PHACTR2: variants seen among roughly 807,000 people sequenced by gnomAD.
PHACTR2 encodes the protein chromosome 6 open reading frame 56.
A neutral mutation model predicts 76.0 loss-of-function variants in PHACTR2; 30 were observed. The ratio of observed to expected loss-of-function variants is 0.39; its 90% confidence interval spans 0.30 to 0.54. The LOEUF is 0.54. PHACTR2 is among the 20% of genes least tolerant of loss of function. PHACTR2 has a pLI of 0.61. For missense variants in PHACTR2, 696 were observed against 781.1 expected (o/e 0.89, Z 1.30); for synonymous variants, 292 against 292.5 (o/e 1.00, Z 0.02).
rs113468674 is a variant in PHACTR2 at position 143,745,462 on chromosome 6, A to G, written c.215-3523A>G. Among the ~76,000 whole-genome samples, 993 of 152,326 alleles carry G rather than the reference A, an allele frequency of 6.5e-3. 11 individuals are homozygous for G. Among genetic ancestry groups the G allele is most frequent in the African/African-American group, 0.022 (926 of 41,568 alleles). On this transcript the variant is annotated intron_variant, in intron 2 of 12. Transcript: ENST00000440869. ...TCTGAATGATTTTAAGCAGGTGAGCACATCTCAGGAATATTCTGAGACAGC... is the reference window on the plus strand; with the variant it reads ...TCTGAATGATTTTAAGCAGGTGAGCGCATCTCAGGAATATTCTGAGACAGC...
In PHACTR2 at chr6:143,751,553, A is replaced by G. The variant is rs1274740756; in HGVS notation, c.296-2201A>G. Among the ~76,000 whole-genome samples the G allele has an allele frequency of 6.6e-6, 1 of 152,046 alleles. No homozygotes were observed. The highest frequency in any genetic ancestry group is 2.4e-5 in the African/African-American group (1 of 41,394). ...TATCTGTCCCTCCTTTAACTATGAT[A>G]TATCCCCAATACACCTGTTTACTAG... is the stretch of plus-strand genomic sequence containing the variant. On this transcript the variant is annotated intron_variant, in intron 3 of 12. Coordinates refer to ENST00000440869, the MANE Select transcript of PHACTR2 (RefSeq NM_001100164.2). The surrounding 1 kb of genome is among the most constrained non-coding windows in gnomAD (Gnocchi z 5.7).
rs1777461146 is a variant in PHACTR2, at chr6:143,684,139, T to A, written c.46+5930T>A. 6.6e-6 allele frequency among the ~76,000 whole-genome samples: 1 copy of A among 152,156 alleles called. No individual in the cohort carries two copies. Among genetic ancestry groups the A allele is most frequent in the African/African-American group, 2.4e-5 (1 of 41,438 alleles). On this transcript the variant is annotated intron_variant, in intron 1 of 12. Transcript: ENST00000440869. The surrounding 1 kb of genome is among the most constrained non-coding windows in gnomAD (Gnocchi z 4.3). ...AACAATACTGAAATGAACATCCATA[T>A]CTATGACCTCTCTCTGCACTCCAGG...
In PHACTR2 at chr6:143,829,914, A is replaced by T. The variant is rs891854965; in HGVS notation, c.*6225A>T. On this transcript the variant is annotated 3_prime_UTR_variant, in exon 13 of 13. Coordinates refer to ENST00000440869, the MANE Select transcript of PHACTR2 (RefSeq NM_001100164.2). ...TAAGGAGCAAATAAGGCAGAATGCC[A>T]CTCTACCCTCAGGTCAATTTTATGG... 6 of 152,152 alleles carry T rather than the reference A, an allele frequency of 3.9e-5. No individual in the cohort carries two copies. Among genetic ancestry groups the T allele is most frequent in the Non-Finnish European group, 7.3e-5 (5 of 68,034 alleles). 9.4% of individuals were successfully genotyped at this position (152,152 alleles called of 1,614,324 possible).
intron 1 of PHACTR2, among the ~76,000 whole-genome samples, chr6:143,711,420 GT>G (rs1483946180): frequency 1.3e-5 from 2 of 152,148 alleles, no homozygotes; most frequent in Non-Finnish European, 2.9e-5. Flanking sequence ...ACAAAGACAT[GT>G]TTTTATCACA....
At chr6:143,628,245 TATGA>T (rs1429916610) in intron 1 of PHACTR2, among the ~76,000 whole-genome samples, 5 of 152,266 alleles carry the variant, frequency 3.3e-5, no homozygotes, top group Non-Finnish European at 7.3e-5. Context: ...ATAGTGCTGC[TATGA>T]ATGTTTGTGT....
At chr6:143,590,984 G>A (rs1034800228) in intron 1 of PHACTR2, among the ~76,000 whole-genome samples, 2 of 152,080 alleles carry the variant, frequency 1.3e-5, no homozygotes, top group African/African-American at 4.8e-5. Flanking sequence ...ATGAAAACTC[G>A]ACGTGTATAT....
intron 1 of PHACTR2, among the ~76,000 whole-genome samples, chr6:143,645,136 C>A (rs921906430): frequency 2.0e-5 from 3 of 152,088 alleles, no homozygotes; most frequent in Middle Eastern, 3.2e-3. Context: ...ATCCAGCAAC[C>A]CACTACTGGG....
chr6:143,748,334 A>G (rs1423702211), intron 2 of PHACTR2, among the ~76,000 whole-genome samples: 2 of 152,170 alleles, frequency 1.3e-5, no homozygotes, highest in African/African-American at 2.4e-5. Flanking sequence ...CCAAAGTGCT[A>G]GGATTACAGG....
chr6:143,804,344 C>A (rs1403946965), intron 11 of PHACTR2, among the ~76,000 whole-genome samples: 2 of 152,100 alleles, frequency 1.3e-5, no homozygotes, highest in Non-Finnish European at 2.9e-5. Context: ...CTTTTTTTTA[C>A]ATGGCAGCTG....
In PHACTR2 at chr6:143,578,694, G is replaced by A. The variant is rs1245935811; in HGVS notation, c.217+41487G>A. ...AGAAGAGGAGGACATGAGTGCAGAA[G>A]AGGAGGATGAAGACGATTATAACAA... On this transcript the variant is annotated intron_variant, in intron 1 of 11. Coordinates refer to the PHACTR2 transcript ENST00000367584. This position sits in a 1 kb window ranked among gnomAD's most constrained non-coding sequence, Gnocchi z 4.5. Among the ~76,000 whole-genome samples, 1 of 152,122 alleles carries A rather than the reference G, an allele frequency of 6.6e-6. No homozygotes were observed.
At chr6:143,655,621 C>T (rs1227432268) in intron 1 of PHACTR2, among the ~76,000 whole-genome samples, 1 of 152,120 alleles carries the variant, frequency 6.6e-6, no homozygotes, top group African/African-American at 2.4e-5. Flanking sequence ...TAGAAAACAT[C>T]CAAAGCAAAG....
rs569235827 is a variant in PHACTR2, at chr6:143,633,242, C to T, written c.13+24920C>T. The stretch of plus-strand genomic sequence containing the variant: ...TTCCCATCAGCAAAGAATGAGAGTT[C>T]CTGTTGCTCCACGTCTCTACCAGGA... On this transcript the variant is annotated intron_variant, in intron 1 of 11. Coordinates refer to the PHACTR2 transcript ENST00000305766. The surrounding 1 kb of genome is among the most constrained non-coding windows in gnomAD (Gnocchi z 4.1). 1.3e-5 allele frequency among the ~76,000 whole-genome samples: 2 copies of T among 152,270 alleles called. No individual in the cohort carries two copies. Among genetic ancestry groups the T allele is most frequent in the East Asian group, 1.9e-4 (1 of 5,184 alleles).
At chr6:143,734,020 G>C (rs375906448) in intron 2 of PHACTR2, among the ~76,000 whole-genome samples, 83 of 152,172 alleles carry the variant, frequency 5.5e-4, no homozygotes, top group African/African-American at 1.9e-3. Flanking sequence ...CAGTAGAATG[G>C]ATTTTTTTTC....
intron 1 of PHACTR2, among the ~76,000 whole-genome samples, chr6:143,638,665 AT>A (rs749000060): frequency 2.6e-5 from 4 of 152,084 alleles, no homozygotes; most frequent in African/African-American, 9.7e-5. Context: ...CCAAATGTAT[AT>A]TTGCTTAAGA....
At position 143,772,493 on chromosome 6, in the gene PHACTR2, G is replaced by A. The variant is rs1297532835; in HGVS notation, c.1432+36G>A. 2.0e-6 allele frequency: 3 copies of A among 1,488,572 alleles called. No individual in the cohort carries two copies. Among genetic ancestry groups the A allele is most frequent in the Non-Finnish European group, 1.9e-6 (2 of 1,072,864 alleles). The allele number at this position is 1,488,572 out of a possible 1,614,324, so 92.2% of individuals were successfully genotyped here. ...TTTCAAGAGGCAGGGAGGAGCGTGG[G>A]TGATAAGCAGAAGCAGCTGCAGTTT... On this transcript the variant is annotated intron_variant, in intron 7 of 12. Transcript: ENST00000440869. This position sits in a 1 kb window ranked among gnomAD's most constrained non-coding sequence, Gnocchi z 5.4.
In PHACTR2 at chr6:143,816,361, G is replaced by A. The variant is rs988342390; in HGVS notation, c.1923-7313G>A. Among the ~76,000 whole-genome samples the A allele has an allele frequency of 8.6e-5, 13 of 152,000 alleles. No homozygotes were observed. The highest frequency in any genetic ancestry group is 1.4e-4 in the African/African-American group (6 of 41,380). On this transcript the variant is annotated intron_variant, in intron 12 of 12. Coordinates refer to ENST00000440869, the MANE Select transcript of PHACTR2 (RefSeq NM_001100164.2). The surrounding 1 kb of genome is among the most constrained non-coding windows in gnomAD (Gnocchi z 4.5). ...CATTTTCAGTACCTCTAACCACAGC[G>A]TTTTAGAGCTGAATTTGAAGATAAG...
At position 143,596,502 on chromosome 6, in the gene PHACTR2, G is replaced by A. The variant is rs569487958; in HGVS notation, c.217+59295G>A. ...TGAGTGGATAATATAATAGGTTTTCGACAAGTGAATGTTTTTGAAAACACC... is the reference window on the plus strand; with the variant it reads ...TGAGTGGATAATATAATAGGTTTTCAACAAGTGAATGTTTTTGAAAACACC... On this transcript the variant is annotated intron_variant, in intron 1 of 11. Transcript: ENST00000367584. The surrounding 1 kb of genome is among the most constrained non-coding windows in gnomAD (Gnocchi z 4.6). Among the ~76,000 whole-genome samples the A allele has an allele frequency of 9.9e-5, 15 of 152,176 alleles. No homozygotes were observed. The highest frequency in any genetic ancestry group is 4.1e-4 in the South Asian group (2 of 4,822).
At position 143,710,654 on chromosome 6, in the gene PHACTR2, G is replaced by A. The variant is rs1778153765; in HGVS notation, c.47-1362G>A. Among the ~76,000 whole-genome samples the A allele has an allele frequency of 6.6e-6, 1 of 152,150 alleles. No homozygotes were observed. The highest frequency in any genetic ancestry group is 2.4e-5 in the African/African-American group (1 of 41,436). ...GGTGGTTGCAGTGAGCTGAGATCGC[G>A]CCACTGCACTCCAGCCTGGGCGACA... On this transcript the variant is annotated intron_variant, in intron 1 of 12. Coordinates refer to ENST00000440869, the MANE Select transcript of PHACTR2 (RefSeq NM_001100164.2). This position sits in a 1 kb window ranked among gnomAD's most constrained non-coding sequence, Gnocchi z 4.9.
In PHACTR2 at chr6:143,678,717, T is replaced by C. The variant is rs963146314; in HGVS notation, c.46+508T>C. Among the ~76,000 whole-genome samples the C allele has an allele frequency of 6.6e-6, 1 of 152,214 alleles. No individual in the cohort carries two copies. The highest frequency in any genetic ancestry group is 1.5e-5 in the Non-Finnish European group (1 of 68,046). ...TAATAACTAGCCCCGAAATGCGTAA[T>C]TGTTTCAAATGAGACTTGTTTTGTT... On this transcript the variant is annotated intron_variant, in intron 1 of 12. Coordinates refer to ENST00000440869, the MANE Select transcript of PHACTR2 (RefSeq NM_001100164.2). The surrounding 1 kb of genome is among the most constrained non-coding windows in gnomAD (Gnocchi z 6.2).
Sources: allele counts gnomAD v4.1 joint callset (sites outside exome capture counted in the v4.1 genomes callset), GRCh38; gene constraint gnomAD v4.1.1; non-coding constraint Gnocchi (gnomAD v3.1); transcripts MANE v1.5; gene names NCBI Gene and HGNC (gene_info 2026-07-23, HGNC 2026-07-21).